The following GFRA1 variants were observed in gnomAD, a reference collection of about 807,000 sequenced individuals.
GFRA1 encodes the protein GDNF family receptor alpha-1.
Under a neutral mutation model 51.6 loss-of-function variants are expected in GFRA1, and 16 were observed. The ratio of observed to expected loss-of-function variants is 0.31; its 90% CI spans 0.21 to 0.47. GFRA1 has a LOEUF of 0.47. Ranked by LOEUF, GFRA1 falls within the 20% of genes least tolerant of loss-of-function variation. GFRA1 has a pLI of 1.00. For missense variants in GFRA1, 530 were observed against 594.3 expected (o/e 0.89, Z 1.13); for synonymous variants, 270 against 241.3 (o/e 1.12, Z -1.10).
chr10:116,229,045 G>A (rs185965843), intron 4 of GFRA1, among the ~76,000 whole-genome samples: 1 of 148,368 alleles, frequency 6.7e-6, no homozygotes, highest in East Asian at 2.0e-4. Context: ...AAAAGGCAAG[G>A]AGACAGATTC....
intron 5 of GFRA1, among the ~76,000 whole-genome samples, chr10:116,140,738 C>A (rs1958528096): frequency 6.6e-6 from 1 of 151,954 alleles, no homozygotes; most frequent in Admixed American, 6.6e-5. Flanking sequence ...GTGCTAAAGA[C>A]TTCTTTAAAC....
intron 5 of GFRA1, among the ~76,000 whole-genome samples, chr10:116,175,661 T>C (rs1180380525): frequency 6.6e-6 from 1 of 152,150 alleles, no homozygotes; most frequent in East Asian, 1.9e-4. Context: ...CATTGTCCTA[T>C]CATGGGGAAA....
At chr10:116,082,533 C>T (rs1018683626) in intron 9 of GFRA1, among the ~76,000 whole-genome samples, 3 of 151,818 alleles carry the variant, frequency 2.0e-5, no homozygotes, top group Admixed American at 2.0e-4. Flanking sequence ...AGTGCAAGAG[C>T]GTAATGGTGC....
intron 4 of GFRA1, among the ~76,000 whole-genome samples, chr10:116,266,670 T>C (rs1314079672): frequency 1.3e-5 from 2 of 152,178 alleles, no homozygotes; most frequent in African/African-American, 2.4e-5. Flanking sequence ...CTCCAGATCA[T>C]ACTTGCTGTG....
intron 6 of GFRA1, among the ~76,000 whole-genome samples, chr10:116,112,092 G>GT (rs2133970835): frequency 1.3e-5 from 2 of 152,354 alleles, no homozygotes; most frequent in South Asian, 4.1e-4. Context: ...CCATAATACT[G>GT]TATTTGTAGC....
chr10:116,243,973 A>C (rs557186088), intron 4 of GFRA1, among the ~76,000 whole-genome samples: 1 of 152,360 alleles, frequency 6.6e-6, no homozygotes, highest in Admixed American at 6.5e-5. Flanking sequence ...ATTAACTTAA[A>C]AATGGCCCAG....
chr10:116,231,394 T>C (rs915645403), intron 4 of GFRA1, among the ~76,000 whole-genome samples: 1 of 152,138 alleles, frequency 6.6e-6, no homozygotes, highest in African/African-American at 2.4e-5. Flanking sequence ...CATGTCTTCC[T>C]CCAAAATGTT....
intron 5 of GFRA1, among the ~76,000 whole-genome samples, chr10:116,148,873 C>G (rs1958946224): frequency 6.6e-6 from 1 of 152,150 alleles, no homozygotes; most frequent in African/African-American, 2.4e-5. Flanking sequence ...AAAAATGCAG[C>G]TGTATTCTAA....
chr10:116,231,452 T>C (rs1966669925), intron 4 of GFRA1, among the ~76,000 whole-genome samples: 1 of 152,354 alleles, frequency 6.6e-6, no homozygotes, highest in Middle Eastern at 3.4e-3. Flanking sequence ...AATGACCTCA[T>C]ATAAGGCATG....
At chr10:116,148,087 T>TGCATGCATGTGA (rs1339327896) in intron 5 of GFRA1, among the ~76,000 whole-genome samples, 9 of 117,904 alleles carry the variant, frequency 7.6e-5, no homozygotes, top group Admixed American at 6.8e-4. Flanking sequence ...TGTGTGTGTG[T>TGCATGCATGTGA]GCATGCGTGT....
At chr10:116,219,150 G>A (rs1046879421) in intron 4 of GFRA1, among the ~76,000 whole-genome samples, 2 of 152,130 alleles carry the variant, frequency 1.3e-5, no homozygotes, top group Admixed American at 6.5e-5. Context: ...GAGCTGGTGA[G>A]CCCCTATCAT....
At chr10:116,160,906 G>A (rs1472024443) in intron 5 of GFRA1, among the ~76,000 whole-genome samples, 1 of 152,094 alleles carries the variant, frequency 6.6e-6, no homozygotes, top group Non-Finnish European at 1.5e-5. Context: ...TTAATTCTTG[G>A]GTTACACGAT....
intron 4 of GFRA1, among the ~76,000 whole-genome samples, chr10:116,232,601 T>G (rs970549621): frequency 6.6e-6 from 1 of 152,190 alleles, no homozygotes; most frequent in Admixed American, 6.5e-5. Context: ...ATGGAGTAAT[T>G]AAACACCACA....
chr10:116,162,443 G>T (rs964696410), intron 5 of GFRA1, among the ~76,000 whole-genome samples: 1 of 152,188 alleles, frequency 6.6e-6, no homozygotes. Context: ...AGCGGTACTC[G>T]CATCCTTGGC....
chr10:116,057,666 C>T lies in GFRA1; in HGVS notation c.*6732G>A, dbSNP rs1954605029. On this transcript the variant is annotated 3_prime_UTR_variant, in exon 11 of 11. Transcript: ENST00000355422. ...AAAGTGTTTCCCCCACTCCCTTGGGCGAGGGAAGGGAGAAGAAGATAGATA... is the reference window on the plus strand; with the variant it reads ...AAAGTGTTTCCCCCACTCCCTTGGGTGAGGGAAGGGAGAAGAAGATAGATA... The T allele has an allele frequency of 6.6e-6, 1 of 151,296 alleles. No homozygotes were observed. The highest frequency in any genetic ancestry group is 6.6e-5 in the Admixed American group (1 of 15,152). The allele number at this position is 151,296 out of a possible 1,614,324, so 9.4% of individuals were successfully genotyped here. A position where few individuals can be genotyped will look rare whatever the true frequency, so the allele number is the denominator to read the frequency against.
chr10:116,066,617 T>C (rs1955126669), intron 9 of GFRA1, among the ~76,000 whole-genome samples: 1 of 152,320 alleles, frequency 6.6e-6, no homozygotes, highest in Non-Finnish European at 1.5e-5. Flanking sequence ...AAGTGACTAA[T>C]TCAAGGTCAC....
At chr10:116,186,312 T>C (rs1962710691) in intron 5 of GFRA1, among the ~76,000 whole-genome samples, 1 of 152,206 alleles carries the variant, frequency 6.6e-6, no homozygotes, top group African/African-American at 2.4e-5. Context: ...TGGTGAAATG[T>C]AACTCCCCGA....
At chr10:116,247,123 T>C (rs912458461) in intron 4 of GFRA1, among the ~76,000 whole-genome samples, 2 of 152,096 alleles carry the variant, frequency 1.3e-5, no homozygotes, top group Non-Finnish European at 2.9e-5. Flanking sequence ...ATAGTTCTTG[T>C]CCCCGACCCC....
intron 5 of GFRA1, among the ~76,000 whole-genome samples, chr10:116,168,656 G>A (rs534935517): frequency 6.6e-6 from 1 of 152,278 alleles, no homozygotes; most frequent in East Asian, 1.9e-4. Context: ...CAACCTCGGG[G>A]GGTTAACAAG....
Sources: allele counts gnomAD v4.1 joint callset (sites outside exome capture counted in the v4.1 genomes callset), GRCh38; gene constraint gnomAD v4.1.1; transcripts MANE v1.5; gene names NCBI Gene and HGNC (gene_info 2026-07-23, HGNC 2026-07-21).